Variants in MGAT4C observed in about 807,000 individuals in gnomAD.
MGAT4C encodes the protein alpha-1,3-mannosyl-glycoprotein 4-beta-N-acetylglucosaminyltransferase C.
MGAT4C carries 19 observed loss-of-function variants against 40.1 expected under a neutral mutation model. The ratio of observed to expected loss-of-function variants is 0.47; its 90% CI spans 0.33 to 0.70. MGAT4C has a LOEUF of 0.70. Among genes scored for constraint, MGAT4C ranks in the 30% least tolerant of loss-of-function variants. The probability of loss-of-function intolerance (pLI) is 0.02; values close to 1 mark genes in which losing one functional copy is unlikely to be tolerated. For missense variants in MGAT4C, 491 were observed against 563.2 expected (o/e 0.87, Z 1.30); for synonymous variants, 181 against 187.1 (o/e 0.97, Z 0.27).
intron 1 of MGAT4C, among the ~76,000 whole-genome samples, chr12:86,196,345 T>G (rs1356263306): frequency 6.6e-6 from 1 of 152,206 alleles, no homozygotes; most frequent in East Asian, 1.9e-4. Flanking sequence ...TTGGGTCCAC[T>G]GGGGTAATAG....
At chr12:86,680,839 C>T (rs17705505) in intron 2 of MGAT4C, among the ~76,000 whole-genome samples, 4,949 of 151,948 alleles carry the variant, frequency 0.033, 110 homozygotes, top group South Asian at 0.064. Context: ...TATGTTTCTT[C>T]TCATTTCTTC....
intron 1 of MGAT4C, among the ~76,000 whole-genome samples, chr12:86,175,923 A>G (rs1377222286): frequency 6.6e-6 from 1 of 152,104 alleles, no homozygotes; most frequent in East Asian, 1.9e-4. Context: ...GTGAGCCGAT[A>G]TCGCGCCACT....
chr12:86,173,513 A>G (rs143244676), intron 1 of MGAT4C, among the ~76,000 whole-genome samples: 1 of 152,260 alleles, frequency 6.6e-6, no homozygotes, highest in African/African-American at 2.4e-5. Context: ...ATCAGCAGGA[A>G]TTGGTCGCAA....
chr12:86,644,617 T>C (rs1000200053), intron 2 of MGAT4C, among the ~76,000 whole-genome samples: 15 of 151,746 alleles, frequency 9.9e-5, no homozygotes, highest in African/African-American at 3.6e-4. Flanking sequence ...AAAATGCCTG[T>C]ATGTATACAA....
chr12:86,233,556 A>T (rs1478529940), intron 1 of MGAT4C, among the ~76,000 whole-genome samples: 9 of 152,120 alleles, frequency 5.9e-5, no homozygotes, highest in Non-Finnish European at 1.3e-4. Context: ...TTTGTTGGTG[A>T]ATTCCAGGAC....
At chr12:86,706,791 C>T (rs1016525709) in intron 2 of MGAT4C, among the ~76,000 whole-genome samples, 1 of 152,150 alleles carries the variant, frequency 6.6e-6, no homozygotes, top group Non-Finnish European at 1.5e-5. Flanking sequence ...GATTGAAATA[C>T]TCTTGATATG....
chr12:86,150,029 T>G lies in MGAT4C; in HGVS notation c.-56-100306A>C, dbSNP rs549825410. Among the ~76,000 whole-genome samples, 4 of 152,300 alleles carry G rather than the reference T, an allele frequency of 2.6e-5. No homozygotes were observed. The South Asian group carries it at 8.3e-4, about 32-fold the overall frequency. ...GGACCGGTTTCATGGGAGACAATGT[T>G]TTCATGAACTGGGTGGTGGATGGGT... On this transcript the variant is annotated intron_variant, in intron 1 of 4. Transcript: ENST00000611864.
chr12:86,506,006 A>C (rs1318294262), intron 2 of MGAT4C, among the ~76,000 whole-genome samples: 1 of 152,224 alleles, frequency 6.6e-6, no homozygotes, highest in African/African-American at 2.4e-5. Flanking sequence ...TTACTCCTAG[A>C]TACAAGCCAG....
rs67462771 is a variant in MGAT4C at position 86,338,958 on chromosome 12, C to CAAAA, written c.-119-4835_-119-4832dup. ...TGGGTGACAGAGTGAGACTCCATCT[C>CAAAA]AAAAAAAAAAAAAAAAAAAAAAAAC... On this transcript the variant is annotated intron_variant, in intron 3 of 7. Transcript: ENST00000548651. 4.3e-3 allele frequency among the ~76,000 whole-genome samples: 286 copies of CAAAA among 66,040 alleles called. 19 individuals carry two copies. The highest frequency in any genetic ancestry group is 0.012 in the Middle Eastern group (1 of 82). The allele number at this position is 66,040 out of a possible 152,430, so 43.3% of individuals were successfully genotyped here.
chr12:86,214,872 C>T (rs1014805128), intron 1 of MGAT4C, among the ~76,000 whole-genome samples: 5 of 152,146 alleles, frequency 3.3e-5, no homozygotes, highest in Admixed American at 6.5e-5. Context: ...AATGGACATT[C>T]GTTGAATGAT....
chr12:86,013,319 T>C (rs922214302), intron 2 of MGAT4C, among the ~76,000 whole-genome samples: 3 of 152,142 alleles, frequency 2.0e-5, no homozygotes, highest in Non-Finnish European at 2.9e-5. Flanking sequence ...AGTGGCGCGA[T>C]CTCGGTTCAC....
At chr12:86,493,038 A>C (rs1333713058) in intron 2 of MGAT4C, among the ~76,000 whole-genome samples, 1 of 150,940 alleles carries the variant, frequency 6.6e-6, no homozygotes, top group Admixed American at 6.6e-5. Context: ...CAAAAAACAC[A>C]TGAAAAAATG....
intron 1 of MGAT4C, among the ~76,000 whole-genome samples, chr12:86,075,636 C>T (rs1869540808): frequency 1.3e-5 from 2 of 152,220 alleles, no homozygotes; most frequent in African/African-American, 4.8e-5. Context: ...CAAACTTTTG[C>T]CTGGGAATCC....
intron 2 of MGAT4C, among the ~76,000 whole-genome samples, chr12:86,036,126 G>A (rs1038299479): frequency 2.7e-5 from 4 of 149,886 alleles, no homozygotes; most frequent in Admixed American, 6.7e-5. Flanking sequence ...GTCAATGGTC[G>A]CTTGCTGGGG....
intron 3 of MGAT4C, among the ~76,000 whole-genome samples, chr12:86,353,484 A>G (rs1955226444): frequency 6.6e-6 from 1 of 152,182 alleles, no homozygotes; most frequent in African/African-American, 2.4e-5. Context: ...ACAGTCACCA[A>G]AAGCTCCAAG....
At chr12:86,258,856 T>C (rs1952596582), upstream of MGAT4C, among the ~76,000 whole-genome samples, 1 of 151,966 alleles carries the variant, frequency 6.6e-6, no homozygotes, top group Non-Finnish European at 1.5e-5. Context: ...GGAAAATTGA[T>C]AGGAAAAAAG....
At chr12:86,370,724 C>CT (rs1169856238) in intron 3 of MGAT4C, among the ~76,000 whole-genome samples, 1 of 152,026 alleles carries the variant, frequency 6.6e-6, no homozygotes, top group Admixed American at 6.6e-5. Flanking sequence ...TCCTATTTGC[C>CT]TTTTTTTCTT....
chr12:86,281,956 G>T (rs1267272674), intron 4 of MGAT4C, among the ~76,000 whole-genome samples: 1 of 152,016 alleles, frequency 6.6e-6, no homozygotes, highest in Non-Finnish European at 1.5e-5. Context: ...TGAGACCACA[G>T]TCAATATTCT....
intron 3 of MGAT4C, among the ~76,000 whole-genome samples, chr12:86,377,011 A>G (rs900374292): frequency 1.0e-4 from 15 of 144,488 alleles, no homozygotes; most frequent in African/African-American, 3.6e-4. Context: ...TTATATAATT[A>G]TTTTTGTTAA....
Sources: allele counts gnomAD v4.1 joint callset (sites outside exome capture counted in the v4.1 genomes callset), GRCh38; gene constraint gnomAD v4.1.1; transcripts MANE v1.5; gene names NCBI Gene and HGNC (gene_info 2026-07-23, HGNC 2026-07-21).